TP63: variants seen among roughly 807,000 people sequenced by gnomAD.
The protein encoded by TP63 is tumor protein 63.
Under a neutral mutation model 82.8 loss-of-function variants are expected in TP63, and 17 were observed. That is an observed-to-expected ratio of 0.21 (90% CI 0.14 to 0.31). TP63 has a LOEUF of 0.31. Ranked by LOEUF, TP63 falls within the 10% of genes least tolerant of loss-of-function variation. The probability of loss-of-function intolerance (pLI) is 1.00; values close to 1 mark genes in which losing one functional copy is unlikely to be tolerated. For synonymous variants in TP63, 330 were observed against 321.7 expected, an observed-to-expected ratio of 1.03 and a Z score of -0.28; for missense variants, 648 against 895.3, an observed-to-expected ratio of 0.72 and a Z score of 3.52.
chr3:189,792,739 T>C (rs1264902629), intron 3 of TP63, among the ~76,000 whole-genome samples: 1 of 152,060 alleles, frequency 6.6e-6, no homozygotes, highest in African/African-American at 2.4e-5. Flanking sequence ...AGAGATGGGA[T>C]GATTCATAGT....
intron 3 of TP63, among the ~76,000 whole-genome samples, chr3:189,765,105 A>G (rs2108545362): frequency 6.6e-6 from 1 of 152,314 alleles, no homozygotes; most frequent in Middle Eastern, 3.4e-3. Flanking sequence ...TTGCTATTGA[A>G]TTAAATAGAT....
chr3:189,613,423 C>T, the TP63 span, among the ~76,000 whole-genome samples: 1 of 152,200 alleles, frequency 6.6e-6, no homozygotes, highest in Non-Finnish European at 1.5e-5. Context: ...GGAACCTCCA[C>T]CTAGAGTTCA....
intron 1 of TP63, among the ~76,000 whole-genome samples, chr3:189,658,823 A>T (rs959777182): frequency 5.3e-5 from 8 of 152,036 alleles, no homozygotes; most frequent in African/African-American, 1.9e-4. Context: ...AAATATGAAT[A>T]AATTATGGGA....
intron 3 of TP63, among the ~76,000 whole-genome samples, chr3:189,781,221 A>G (rs1724204725): frequency 6.6e-6 from 1 of 152,154 alleles, no homozygotes; most frequent in Admixed American, 6.6e-5. Flanking sequence ...TACATATACC[A>G]TTTCTGTATA....
chr3:189,865,188 A>T (rs190001004), intron 5 of TP63, among the ~76,000 whole-genome samples: 13 of 152,238 alleles, frequency 8.5e-5, no homozygotes, highest in African/African-American at 3.1e-4. Flanking sequence ...GAAATAATGA[A>T]AAAACCAGAA....
At chr3:189,752,468 A>G (rs2108524402) in intron 3 of TP63, among the ~76,000 whole-genome samples, 1 of 152,308 alleles carries the variant, frequency 6.6e-6, no homozygotes, top group Non-Finnish European at 1.5e-5. Context: ...ATTGTGAGCC[A>G]CTGTGCTGGC....
chr3:189,773,603 AT>A (rs370276256), intron 3 of TP63, among the ~76,000 whole-genome samples: 1 of 152,164 alleles, frequency 6.6e-6, no homozygotes, highest in Non-Finnish European at 1.5e-5. Context: ...CTGCCACATT[AT>A]TTTTTTAGGT....
chr3:189,830,339 T>TA (rs1712129399), intron 4 of TP63, among the ~76,000 whole-genome samples: 1 of 152,310 alleles, frequency 6.6e-6, no homozygotes, highest in African/African-American at 2.4e-5. Context: ...CAATTTGACT[T>TA]ACTGCAACTC....
chr3:189,894,002 G>T (rs758981591), intron 13 of TP63, among the ~76,000 whole-genome samples: 1 of 152,256 alleles, frequency 6.6e-6, no homozygotes, highest in African/African-American at 2.4e-5. Flanking sequence ...TTCTACACAG[G>T]CAGGAAAGAC....
rs2108874781 is a variant in TP63 at position 189,894,452 on chromosome 3, A to G, written c.1993A>G (p.Met665Val). The G allele has an allele frequency of 6.8e-6, 11 of 1,614,042 alleles. No individual in the cohort carries two copies. Among genetic ancestry groups the G allele is most frequent in the Non-Finnish European group, 7.6e-6 (9 of 1,179,986 alleles). ...RDEWNDFNFD[M>V]DARRNKQQRI... ...TGAGTGGAATGACTTCAACTTTGAC[A>G]TGGATGCTCGCCGCAATAAGCAACA... Residue 665 changes from methionine (M) to valine (V), a missense_variant, in exon 14 of 14, where the codon ATG (methionine) becomes GTG (valine). Met to Val is a conservative substitution (Grantham distance 21). Transcript: ENST00000264731.
At chr3:189,689,740 T>A (rs9834524) in intron 1 of TP63, among the ~76,000 whole-genome samples, 78,691 of 151,960 alleles carry the variant, frequency 0.52, 21,063 homozygotes, top group African/African-American at 0.68. Flanking sequence ...ATATTTTTAA[T>A]TGTCTTAAGG....
At chr3:189,796,976 T>C (rs1725772810) in intron 3 of TP63, among the ~76,000 whole-genome samples, 1 of 152,088 alleles carries the variant, frequency 6.6e-6, no homozygotes, top group African/African-American at 2.4e-5. Context: ...TGTTCACCTG[T>C]CAATTTAAAA....
chr3:189,892,575 G>A (rs575602685), intron 13 of TP63, among the ~76,000 whole-genome samples: 19 of 152,262 alleles, frequency 1.2e-4, no homozygotes, highest in Admixed American at 6.5e-4. Context: ...GGCGGATCAC[G>A]AGGTCAGGAG....
chr3:189,739,624 G>C (rs1341391424), intron 3 of TP63, among the ~76,000 whole-genome samples: 1 of 152,134 alleles, frequency 6.6e-6, no homozygotes, highest in Non-Finnish European at 1.5e-5. Flanking sequence ...AGTCACTCGT[G>C]ATCTTAGGCC....
Position 189,869,355 on chromosome 3 carries a change from G to A in TP63, c.1161G>A (p.Met387Ile), listed in dbSNP as rs140374868. 5.0e-6 allele frequency: 8 copies of A among 1,614,076 alleles called. No homozygotes were observed. Among genetic ancestry groups the A allele is most frequent in the Non-Finnish European group, 6.8e-6 (8 of 1,179,970 alleles). Reference sequence around the variant, plus strand: ...GTCAGAACACACATGGTATCCAGATGACATCCATCAAGAAACGAAGATCCC... The same window carrying A: ...GTCAGAACACACATGGTATCCAGATAACATCCATCAAGAAACGAAGATCCC... ...PFRQNTHGIQ[M>I]TSIKKRRSPD... The change falls in exon 9 of 14, where the codon ATG (methionine) becomes ATA (isoleucine). Residue 387 changes from methionine (M) to isoleucine (I), a missense_variant. Physicochemically the swap from Met to Ile is conservative, Grantham distance 10 (BLOSUM62 1). Coordinates refer to ENST00000264731, the MANE Select transcript of TP63 (RefSeq NM_003722.5).
intron 3 of TP63, among the ~76,000 whole-genome samples, chr3:189,739,949 T>C (rs1292523308): frequency 1.3e-5 from 2 of 152,260 alleles, no homozygotes; most frequent in East Asian, 3.9e-4. Context: ...CCTTGTTTGA[T>C]ATGTTTTACT....
rs771389104 is a variant in TP63 at position 189,866,817 on chromosome 3, A to C, written c.882+20A>C. ...CCCCAGGTAAAAAGCAAAAAACCAA[A>C]CCAAAAAACAACACCTCTATGGACT... On this transcript the variant is annotated intron_variant, in intron 6 of 13. Coordinates refer to ENST00000264731, the MANE Select transcript of TP63 (RefSeq NM_003722.5). The C allele has an allele frequency of 2.6e-5, 41 of 1,605,258 alleles. No individual in the cohort carries two copies. Among genetic ancestry groups the C allele is most frequent in the Middle Eastern group, 1.7e-4 (1 of 6,030 alleles).
chr3:189,869,604 G>A (rs1718163666), intron 9 of TP63, among the ~76,000 whole-genome samples, 198 bp downstream of exon 9: 1 of 152,138 alleles, frequency 6.6e-6, no homozygotes, highest in Non-Finnish European at 1.5e-5. Flanking sequence ...GGAAGTCTGA[G>A]ATCAAGGTGC....
intron 1 of TP63, among the ~76,000 whole-genome samples, chr3:189,654,461 A>G (rs529394092): frequency 6.6e-6 from 1 of 152,144 alleles, no homozygotes; most frequent in Non-Finnish European, 1.5e-5. Flanking sequence ...TCATGTTACT[A>G]TTTAGGAATT....
Sources: gnomAD v4.1 joint callset for allele counts (sites outside exome capture counted in the v4.1 genomes callset) on GRCh38, gnomAD v4.1.1 for gene constraint, MANE v1.5 for transcripts, NCBI Gene and HGNC (gene_info 2026-07-23, HGNC 2026-07-21) for gene names.